The following ATF2 variants were observed in gnomAD, a reference collection of about 807,000 sequenced individuals.
ATF2 encodes the protein cyclic AMP-dependent transcription factor ATF-2.
A neutral mutation model predicts 60.6 loss-of-function variants in ATF2; 24 were observed. The ratio of observed to expected loss-of-function variants is 0.40; its 90% CI spans 0.29 to 0.56. The LOEUF (loss-of-function observed/expected upper bound fraction) is 0.56, where lower values mean the gene tolerates loss of function less well. Ranked by LOEUF, ATF2 falls within the 20% of genes least tolerant of loss-of-function variation. ATF2 has a pLI of 0.54. For missense variants in ATF2, 433 were observed against 607.7 expected (o/e 0.71, Z 3.02); for synonymous variants, 206 against 215.4 (o/e 0.96, Z 0.38).
intron 1 of ATF2, among the ~76,000 whole-genome samples, chr2:175,162,871 T>C (rs1462405006): frequency 2.6e-5 from 4 of 152,160 alleles, no homozygotes; most frequent in Admixed American, 6.5e-5. Flanking sequence ...CAGTGGCTCA[T>C]GCCTGTAATC....
chr2:175,119,704 T>C (rs1369663538), intron 5 of ATF2, among the ~76,000 whole-genome samples: 1 of 151,652 alleles, frequency 6.6e-6, no homozygotes, highest in Non-Finnish European at 1.5e-5. Flanking sequence ...GTAAAGTACA[T>C]GTATTAGCTT....
Position 175,159,325 on chromosome 2 carries a change from A to T in ATF2, c.-142-8167T>A, listed in dbSNP as rs556091441. Reference sequence around the variant, plus strand: ...CAGAGCAAGACTCCGTCTCAAAAAAAAAAAAAAGTTTTATATTAATCTTTA... The same window carrying T: ...CAGAGCAAGACTCCGTCTCAAAAAATAAAAAAAGTTTTATATTAATCTTTA... On this transcript the variant is annotated intron_variant, in intron 1 of 13. Coordinates refer to ENST00000264110, the MANE Select transcript of ATF2 (RefSeq NM_001880.4). Among the ~76,000 whole-genome samples, 496 of 152,268 alleles carry T rather than the reference A, an allele frequency of 3.3e-3. 12 individuals carry two copies. Among genetic ancestry groups the T allele is most frequent in the East Asian group, 1.5e-3 (8 of 5,194 alleles).
chr2:175,167,518 T>C (rs1700441429), intron 1 of ATF2: 1 of 428,980 alleles, frequency 2.3e-6, no homozygotes, highest in Admixed American at 2.5e-5. Flanking sequence ...CTGATTCTAT[T>C]TTCAGCCGCG....
chr2:175,150,991 C>T (rs1699276209), intron 2 of ATF2, 69 bp downstream of exon 2: 1 of 152,460 alleles, frequency 6.6e-6, no homozygotes, highest in Non-Finnish European at 1.5e-5. Context: ...CTACTAAATT[C>T]GGTAGTATTT....
rs749202587 is a variant in ATF2 at position 175,097,566 on chromosome 2, G to A, written c.856C>T (p.His286Tyr). ...MRLKAALTQQ[H>Y]PPVTNGDTVK... ...GTATCACCATTGGTAACTGGAGGAT[G>A]TTGCTGGGTCAAAGCAGCTTTTAAT... The change falls in exon 11 of 14, where the codon CAT becomes TAT. Residue 286 changes from histidine (H) to tyrosine (Y), a missense_variant. Physicochemically the swap from His to Tyr is moderately conservative, Grantham distance 83. Coordinates refer to ENST00000264110, the MANE Select transcript of ATF2 (RefSeq NM_001880.4). The A allele has an allele frequency of 1.9e-6, 3 of 1,614,054 alleles. No homozygotes were observed. Among genetic ancestry groups the A allele is most frequent in the South Asian group, 2.2e-5 (2 of 91,078 alleles).
intron 13 of ATF2, among the ~76,000 whole-genome samples, chr2:175,077,332 C>G (rs1357171375): frequency 6.6e-6 from 1 of 152,154 alleles, no homozygotes; most frequent in East Asian, 1.9e-4. Flanking sequence ...ATGGCTGGGT[C>G]AAATCGTATT....
intron 4 of ATF2, among the ~76,000 whole-genome samples, chr2:175,123,796 A>C (rs1034120239): frequency 9.9e-5 from 15 of 152,046 alleles, no homozygotes; most frequent in Non-Finnish European, 2.2e-4. Flanking sequence ...TAACAGTATT[A>C]ATTATATACA....
rs1001660656 is a variant in ATF2 at position 175,152,559 on chromosome 2, G to A, written c.-142-1401C>T. 5.3e-5 allele frequency among the ~76,000 whole-genome samples: 8 copies of A among 152,298 alleles called. No individual in the cohort carries two copies. In the East Asian group the frequency reaches 1.3e-3, roughly 26 times the overall value. ...TTTCTCTACGTTTTCTCAGTGCTGA[G>A]CTTCCATTACCAGGTCATATAGGTA... is the stretch of plus-strand genomic sequence containing the variant. On this transcript the variant is annotated intron_variant, in intron 1 of 13. Transcript: ENST00000264110.
chr2:175,135,748 T>G (rs896056995), intron 3 of ATF2, among the ~76,000 whole-genome samples: 14 of 152,200 alleles, frequency 9.2e-5, no homozygotes, highest in African/African-American at 3.1e-4. Flanking sequence ...AGGATTACTT[T>G]CCTACTTTTA....
chr2:175,150,762 C>G (rs928812552), intron 2 of ATF2, among the ~76,000 whole-genome samples: 1 of 151,998 alleles, frequency 6.6e-6, no homozygotes, highest in Non-Finnish European at 1.5e-5. Context: ...ATATCGGAAC[C>G]CTTTGCTAAA....
At chr2:175,144,157 G>C (rs1462151236) in intron 2 of ATF2, among the ~76,000 whole-genome samples, 1 of 152,052 alleles carries the variant, frequency 6.6e-6, no homozygotes, top group African/African-American at 2.4e-5. Context: ...ATAGAATATA[G>C]GCTTTTTCTT....
At chr2:175,142,054 T>C (rs1340795778) in intron 2 of ATF2, among the ~76,000 whole-genome samples, 2 of 152,062 alleles carry the variant, frequency 1.3e-5, no homozygotes, top group East Asian at 3.9e-4. Context: ...CTACAAAATA[T>C]ATTGAGGTAA....
At chr2:175,163,340 T>C (rs1297034987) in intron 1 of ATF2, among the ~76,000 whole-genome samples, 3 of 152,080 alleles carry the variant, frequency 2.0e-5, no homozygotes, top group African/African-American at 7.2e-5. Flanking sequence ...GTCAATATTA[T>C]AGATAAAAAT....
At chr2:175,075,262 C>A (rs1312355936) in intron 13 of ATF2, among the ~76,000 whole-genome samples, 1 of 152,096 alleles carries the variant, frequency 6.6e-6, no homozygotes, top group Non-Finnish European at 1.5e-5. Flanking sequence ...TTCTTACATA[C>A]AAATTATATC....
intron 11 of ATF2, among the ~76,000 whole-genome samples, chr2:175,095,372 G>C (rs114867551): frequency 0.045 from 6,775 of 152,216 alleles, 194 homozygotes; most frequent in Middle Eastern, 0.092. Flanking sequence ...GATTATAGGC[G>C]TGAGCCACAA....
chr2:175,083,983 G>T (rs1338424634), intron 12 of ATF2, among the ~76,000 whole-genome samples: 8 of 152,118 alleles, frequency 5.3e-5, no homozygotes, highest in Middle Eastern at 3.4e-3. Context: ...CATTAAAAAG[G>T]CAGGAAACAA....
chr2:175,074,872 A>C, intron 13 of ATF2, 37 bp from the exon 14 acceptor site: 1 of 1,607,986 alleles, frequency 6.2e-7, no homozygotes, highest in Non-Finnish European at 8.5e-7. Context: ...ATTTTCCTAA[A>C]ATCGGTAAGA....
chr2:175,074,478 C>T lies in ATF2; in HGVS notation c.*131G>A, dbSNP rs1693143632. On this transcript the variant is annotated 3_prime_UTR_variant, in exon 14 of 14. Coordinates refer to ENST00000264110, the MANE Select transcript of ATF2 (RefSeq NM_001880.4). ...AACTGCTGCTACACCAACTTTAGAG[C>T]CAAATTTAATTTCAAGTAAAAAAAA... The T allele has an allele frequency of 8.3e-7, 1 of 1,200,120 alleles. No homozygotes were observed. Among genetic ancestry groups the T allele is most frequent in the African/African-American group, 1.5e-5 (1 of 64,616 alleles). 74.3% of individuals were successfully genotyped at this position (1,200,120 alleles called of 1,614,324 possible).
At chr2:175,151,218 T>C (rs778737053) in intron 1 of ATF2, 60 bp from the exon 2 acceptor site, 1 of 152,230 alleles carries the variant, frequency 6.6e-6, no homozygotes, top group African/African-American at 2.4e-5. Context: ...TCTAAATTAA[T>C]AGCCTCTTGT....
Sources: gnomAD v4.1 joint callset for allele counts (sites outside exome capture counted in the v4.1 genomes callset) on GRCh38, gnomAD v4.1.1 for gene constraint, MANE v1.5 for transcripts, NCBI Gene and HGNC (gene_info 2026-07-23, HGNC 2026-07-21) for gene names.